The following ARID3A variants were observed in gnomAD, a reference collection of about 807,000 sequenced individuals.
The protein encoded by ARID3A is AT-rich interaction domain 3A.
In ARID3A, 11 loss-of-function variants were observed where a neutral mutation model predicts 52.7. The ratio of observed to expected loss-of-function variants is 0.21; its 90% confidence interval spans 0.13 to 0.35. The LOEUF (loss-of-function observed/expected upper bound fraction) is 0.35. Ranked by LOEUF, ARID3A falls within the 10% of genes least tolerant of loss-of-function variation. The pLI is 1.00. For synonymous variants in ARID3A, 404 were observed against 359.4 expected, an observed-to-expected ratio of 1.12 and a Z score of -1.40; for missense variants, 721 against 838.5, an observed-to-expected ratio of 0.86 and a Z score of 1.73.
Position 974,268 on chromosome 19 carries a change from C to G in ARID3A, c.*2203C>G, listed in dbSNP as rs2038337941. ...CCACTTCCTTCTCGGATCTCAGGGC[C>G]GTGGACACACACCCCCTTTCCAGGA... is the stretch of plus-strand genomic sequence containing the variant. On this transcript the variant is annotated 3_prime_UTR_variant, in exon 9 of 9. Coordinates refer to ENST00000263620, the MANE Select transcript of ARID3A (RefSeq NM_005224.3). 1 of 227,924 alleles carries G rather than the reference C, an allele frequency of 4.4e-6. No homozygotes were observed. The allele number at this position is 227,924 out of a possible 1,614,324, so 14.1% of individuals were successfully genotyped here. A position where few individuals can be genotyped will look rare whatever the true frequency, so the allele number is the denominator to read the frequency against.
Position 964,560 on chromosome 19 carries a change from A to G in ARID3A, c.950+129A>G. On this transcript the variant is annotated intron_variant, in intron 5 of 8. Transcript: ENST00000263620. The surrounding 1 kb of genome is among the most constrained non-coding windows in gnomAD (Gnocchi z 5.7). ...GGGGCAGTGGGCAGCCGCAAAGGGC[A>G]CAGGGCCACACCGTGCGTCCAGGGC... is the stretch of plus-strand genomic sequence containing the variant. 1 of 1,291,062 alleles carries G rather than the reference A, an allele frequency of 7.7e-7. No homozygotes were observed. 80.0% of individuals were successfully genotyped at this position (1,291,062 alleles called of 1,614,324 possible). A position where few individuals can be genotyped will look rare whatever the true frequency, so the allele number is the denominator to read the frequency against.
In ARID3A at chr19:932,466, TGAGGAGGAGGAG is replaced by T. The variant is rs745547598; in HGVS notation, c.426_437del (p.Glu142_Glu145del). 7.2e-7 allele frequency: 1 copy of T among 1,385,178 alleles called. No homozygotes were observed. Among genetic ancestry groups the T allele is most frequent in the East Asian group, 2.7e-5 (1 of 36,494 alleles). The allele number at this position is 1,385,178 out of a possible 1,614,324, so 85.8% of individuals were successfully genotyped here. ...AGATGGAGGAAGACCTCGGGGAGGA[TGAGGAGGAGGAG>T]GAGGAGGATTACGAGGATGAGGAGG... On this transcript the variant is annotated inframe_deletion, in exon 3 of 9. Coordinates refer to ENST00000263620, the MANE Select transcript of ARID3A (RefSeq NM_005224.3).
At position 972,404 on chromosome 19, in the gene ARID3A, C is replaced by T. The variant is rs2038298545; in HGVS notation, c.*339C>T. On this transcript the variant is annotated 3_prime_UTR_variant, in exon 9 of 9. Coordinates refer to ENST00000263620, the MANE Select transcript of ARID3A (RefSeq NM_005224.3). ...GCAGACGTTTCCCAGGGCGTTCAGG[C>T]AGCCCTGATGGACCGAAGGCTCTGG... 1 of 218,162 alleles carries T rather than the reference C, an allele frequency of 4.6e-6. No homozygotes were observed. Among genetic ancestry groups the T allele is most frequent in the Non-Finnish European group, 9.2e-6 (1 of 108,350 alleles). The allele number at this position is 218,162 out of a possible 1,614,324, so 13.5% of individuals were successfully genotyped here.
At chr19:931,688 C>T (rs1358978533) in intron 2 of ARID3A, among the ~76,000 whole-genome samples, 6 of 152,088 alleles carry the variant, frequency 3.9e-5, no homozygotes, top group African/African-American at 1.4e-4. Context: ...TGGCGGGCGC[C>T]TGTAGTCCCA....
chr19:940,076 G>A (rs1011175518), intron 3 of ARID3A, among the ~76,000 whole-genome samples: 2 of 152,010 alleles, frequency 1.3e-5, no homozygotes, highest in Admixed American at 1.3e-4. Context: ...GGGGGAGGCT[G>A]CCAAGAGGAA....
At chr19:928,412 G>A (rs2037245580) in intron 1 of ARID3A, 1 of 152,142 alleles carries the variant, frequency 6.6e-6, no homozygotes, top group African/African-American at 2.4e-5. Context: ...CTCTAGGCTG[G>A]GTGAGTGTGT....
At chr19:967,653 A>G (rs765924411) in intron 7 of ARID3A, among the ~76,000 whole-genome samples, 22 of 152,208 alleles carry the variant, frequency 1.4e-4, no homozygotes, top group Non-Finnish European at 2.6e-4. Context: ...TGGTGACAGC[A>G]TGAATGTGAC....
chr19:944,172 G>T lies in ARID3A; in HGVS notation c.693+11430G>T, dbSNP rs773000531. On this transcript the variant is annotated intron_variant, in intron 3 of 8. Transcript: ENST00000263620. This position sits in a 1 kb window ranked among gnomAD's most constrained non-coding sequence, Gnocchi z 5.9. ...ACCTGCTGTATGCCAGCCTGCCTGC[G>T]TACTGGGGACACAGCCGTGCATGAA... 6.6e-6 allele frequency among the ~76,000 whole-genome samples: 1 copy of T among 152,180 alleles called. No individual in the cohort carries two copies. The highest frequency in any genetic ancestry group is 1.5e-5 in the Non-Finnish European group (1 of 68,042).
intron 3 of ARID3A, among the ~76,000 whole-genome samples, chr19:951,862 A>G (rs913764109): frequency 1.3e-5 from 2 of 152,136 alleles, no homozygotes; most frequent in African/African-American, 4.8e-5. Context: ...CAGGCTGGGC[A>G]CAGTGGCTCA....
At chr19:954,584 A>G (rs552865047) in intron 3 of ARID3A, among the ~76,000 whole-genome samples, 1 of 152,196 alleles carries the variant, frequency 6.6e-6, no homozygotes, top group East Asian at 1.9e-4. Flanking sequence ...GAATCCACAC[A>G]GCTGGGGCCA....
At chr19:930,757 C>T (rs2037309120) in intron 2 of ARID3A, among the ~76,000 whole-genome samples, 1 of 151,216 alleles carries the variant, frequency 6.6e-6, no homozygotes, top group African/African-American at 2.4e-5. Context: ...GATCTGCCTG[C>T]CTTGGCCTCC....
intron 4 of ARID3A, among the ~76,000 whole-genome samples, chr19:963,670 C>A (rs904161819): frequency 6.6e-6 from 1 of 152,180 alleles, no homozygotes; most frequent in Admixed American, 6.5e-5. Flanking sequence ...TAATCCTCCC[C>A]CTTTCCCTCC....
Position 942,129 on chromosome 19 carries a change from C to A in ARID3A, c.693+9387C>A, listed in dbSNP as rs1430314886. On this transcript the variant is annotated intron_variant, in intron 3 of 8. Transcript: ENST00000263620. This position sits in a 1 kb window ranked among gnomAD's most constrained non-coding sequence, Gnocchi z 8.1. ...GAGCCAGCCTAGCCGATGATGGAGC[C>A]CCAGTGGCCACCGAGCTATGGACAG... Among the ~76,000 whole-genome samples, 2 of 152,156 alleles carry A rather than the reference C, an allele frequency of 1.3e-5. No homozygotes were observed. Among genetic ancestry groups the A allele is most frequent in the African/African-American group, 4.8e-5 (2 of 41,442 alleles).
rs868414984 is a variant in ARID3A at position 947,956 on chromosome 19, G to C, written c.694-12136G>C. ...GACCTCGTGGCTTAGGCAGGCGGGG[G>C]AGCCCCCCGGCTGGTCAGGTGCACG... On this transcript the variant is annotated intron_variant, in intron 3 of 8. Coordinates refer to ENST00000263620, the MANE Select transcript of ARID3A (RefSeq NM_005224.3). This position sits in a 1 kb window ranked among gnomAD's most constrained non-coding sequence, Gnocchi z 6.3. 1.3e-5 allele frequency among the ~76,000 whole-genome samples: 2 copies of C among 152,284 alleles called. 1 individual carries two copies. Among genetic ancestry groups the C allele is most frequent in the South Asian group, 4.1e-4 (2 of 4,826 alleles).
At chr19:951,604 G>A (rs892296178) in intron 3 of ARID3A, among the ~76,000 whole-genome samples, 2 of 152,044 alleles carry the variant, frequency 1.3e-5, no homozygotes, top group East Asian at 1.9e-4. Flanking sequence ...AGAGTTCCCC[G>A]GCTGGTCTGG....
rs2038315135 is a variant in ARID3A, at chr19:973,104, A to ATTTTTTTTTATTTTTTATTT, written c.*1048_*1049insATTTTTTATTTTTTTTTTTT. On this transcript the variant is annotated 3_prime_UTR_variant, in exon 9 of 9. Coordinates refer to ENST00000263620, the MANE Select transcript of ARID3A (RefSeq NM_005224.3). ...GGGCTCTCGAGTCAGGGGCCTGGAA[A>ATTTTTTTTTATTTTTTATTT]TTTTTTTTTTTTTTTTTTTTTGAGA... The ATTTTTTTTTATTTTTTATTT allele has an allele frequency of 3.7e-5, 2 of 53,488 alleles. No homozygotes were observed. Among genetic ancestry groups the ATTTTTTTTTATTTTTTATTT allele is most frequent in the African/African-American group, 1.4e-4 (2 of 14,224 alleles). The allele number at this position is 53,488 out of a possible 1,614,324, so 3.3% of individuals were successfully genotyped here.
In ARID3A at chr19:932,583, G is replaced by GTT; in HGVS notation, c.534_535insTT (p.Pro179PhefsTer34). The GTT allele has an allele frequency of 6.6e-7, 1 of 1,505,248 alleles. No individual in the cohort carries two copies. The highest frequency in any genetic ancestry group is 8.9e-7 in the Non-Finnish European group (1 of 1,129,786). 93.2% of individuals were successfully genotyped at this position (1,505,248 alleles called of 1,614,324 possible). A position where few individuals can be genotyped will look rare whatever the true frequency, so the allele number is the denominator to read the frequency against. ...CGGCACTGTTCCCCCGAAAGGCCCAGCCACCCCAGGCCTTCCGCGGCGATG... is the reference window on the plus strand; with the variant it reads ...CGGCACTGTTCCCCCGAAAGGCCCAGTTCCACCCCAGGCCTTCCGCGGCGATG... On this transcript the variant is annotated frameshift_variant, in exon 3 of 9. Coordinates refer to ENST00000263620, the MANE Select transcript of ARID3A (RefSeq NM_005224.3). LOFTEE classifies it high-confidence loss of function.
At chr19:946,527 G>A (rs1339389811) in intron 3 of ARID3A, among the ~76,000 whole-genome samples, 2 of 139,118 alleles carry the variant, frequency 1.4e-5, no homozygotes, top group African/African-American at 5.5e-5. Context: ...TGCAAGCTCC[G>A]CCTCCCGGGT....
intron 3 of ARID3A, among the ~76,000 whole-genome samples, chr19:934,206 A>G (rs1338276291): frequency 6.6e-6 from 1 of 151,986 alleles, no homozygotes; most frequent in Admixed American, 6.6e-5. Flanking sequence ...GCCGAGAGGG[A>G]GGGTCAAGGC....
Sources: allele counts gnomAD v4.1 joint callset (sites outside exome capture counted in the v4.1 genomes callset), GRCh38; gene constraint gnomAD v4.1.1; non-coding constraint Gnocchi (gnomAD v3.1); transcripts MANE v1.5; gene names NCBI Gene and HGNC (gene_info 2026-07-23, HGNC 2026-07-21).